COL5A3: variants seen among roughly 807,000 people sequenced by gnomAD.
COL5A3 encodes the protein collagen alpha-3(V) chain.
Under a neutral mutation model 250.0 loss-of-function variants are expected in COL5A3, and 172 were observed. That is an observed-to-expected ratio of 0.69 (90% CI 0.61 to 0.78). The LOEUF is 0.78. Ranked by LOEUF, COL5A3 falls within the 30% of genes least tolerant of loss-of-function variation. The probability of loss-of-function intolerance (pLI) is 0.00; values close to 1 mark genes in which losing one functional copy is unlikely to be tolerated. For synonymous variants in COL5A3, 937 were observed against 900.4 expected (o/e 1.04, Z -0.73); for missense variants, 2,340 against 2,334.4 (o/e 1.00, Z -0.05).
intron 31 of COL5A3, among the ~76,000 whole-genome samples, chr19:9,985,063 C>T (rs541724374): frequency 6.1e-5 from 9 of 148,722 alleles, no homozygotes; most frequent in African/African-American, 1.7e-4. Context: ...ATTCTCCTGT[C>T]TCAGCCTCTT....
rs907239211 is a variant in COL5A3 at position 9,968,966 on chromosome 19, G to A, written c.4153-238C>T. On this transcript the variant is annotated intron_variant, in intron 57 of 66. Transcript: ENST00000264828. This position sits in a 1 kb window ranked among gnomAD's most constrained non-coding sequence, Gnocchi z 4.1. ...GCCAAGGTCAGCGTGGGTGATCAGT[G>A]TAGACCATTAAGATGGAGAGTCAGT... 28 of 606,424 alleles carry A rather than the reference G, an allele frequency of 4.6e-5. No individual in the cohort carries two copies. Among genetic ancestry groups the A allele is most frequent in the African/African-American group, 7.4e-5 (4 of 53,770 alleles). The allele number at this position is 606,424 out of a possible 1,614,324, so 37.6% of individuals were successfully genotyped here.
chr19:9,996,812 A>G, intron 11 of COL5A3, 123 bp from the exon 12 acceptor site: 1 of 679,326 alleles, frequency 1.5e-6, no homozygotes, highest in Non-Finnish European at 2.4e-6. Flanking sequence ...AGAGAGACAC[A>G]GAATCAAAGA....
rs928319374 is a variant in COL5A3 at position 9,970,782 on chromosome 19, G to A, written c.3883-107C>T. On this transcript the variant is annotated intron_variant, in intron 53 of 66. Transcript: ENST00000264828. Reference sequence around the variant, plus strand: ...ACACCCTTCCCCAAGCCTCACCCCAGCACCGGGTACTCCCACCTCCCACCT... The same window carrying A: ...ACACCCTTCCCCAAGCCTCACCCCAACACCGGGTACTCCCACCTCCCACCT... 2.1e-5 allele frequency: 23 copies of A among 1,070,980 alleles called. No individual in the cohort carries two copies. In the Admixed American group the frequency reaches 3.0e-4, roughly 14 times the overall value. 66.3% of individuals were successfully genotyped at this position (1,070,980 alleles called of 1,614,324 possible). A position where few individuals can be genotyped will look rare whatever the true frequency, so the allele number is the denominator to read the frequency against.
intron 62 of COL5A3, 126 bp downstream of exon 62, chr19:9,967,221 T>C: frequency 1.5e-6 from 1 of 662,928 alleles, no homozygotes; most frequent in Non-Finnish European, 2.4e-6. Flanking sequence ...ACCTACATCC[T>C]CTGAACACCT....
chr19:9,965,577 C>T (rs561474044), intron 64 of COL5A3, among the ~76,000 whole-genome samples: 4 of 152,004 alleles, frequency 2.6e-5, no homozygotes, highest in South Asian at 2.1e-4. Context: ...CTTCAGCCCC[C>T]GAGTAGCTGG....
rs1599530390 is a variant in COL5A3, at chr19:9,968,610, C to A, written c.4206+65G>T. 6.3e-7 allele frequency: 1 copy of A among 1,593,256 alleles called. No individual in the cohort carries two copies. The highest frequency in any genetic ancestry group is 8.6e-7 in the Non-Finnish European group (1 of 1,163,464). ...GAGGATGCACCAATCTCCCAGCCCCCCAGCCAGGGAGGGAGGGAAAGAGGG... is the reference window on the plus strand; with the variant it reads ...GAGGATGCACCAATCTCCCAGCCCCACAGCCAGGGAGGGAGGGAAAGAGGG... On this transcript the variant is annotated intron_variant, in intron 58 of 66. Transcript: ENST00000264828. The surrounding 1 kb of genome is among the most constrained non-coding windows in gnomAD (Gnocchi z 4.1).
chr19:9,970,697 G>A, intron 53 of COL5A3, 22 bp from the exon 54 acceptor site: 1 of 1,417,156 alleles, frequency 7.1e-7, no homozygotes, highest in South Asian at 1.7e-5. Flanking sequence ...AAGGACACCA[G>A]CTGTGGTCTC....
intron 8 of COL5A3, among the ~76,000 whole-genome samples, chr19:9,999,156 C>CTTCCTTCCTTCT (rs1555741065): frequency 7.1e-6 from 1 of 140,464 alleles, no homozygotes; most frequent in African/African-American, 2.7e-5. Context: ...TCCTTCCTTC[C>CTTCCTTCCTTCT]TTCCTTCCTT....
At position 10,003,758 on chromosome 19, in the gene COL5A3, G is replaced by A; in HGVS notation, c.700-44C>T. On this transcript the variant is annotated intron_variant, in intron 5 of 66. Transcript: ENST00000264828. ...TCAGGTCTAGAGCATCCCACCAGCA[G>A]AGACCCCATCATTCAGGTCACCTGG... The A allele has an allele frequency of 1.9e-6, 3 of 1,609,358 alleles. No homozygotes were observed. The South Asian group carries it at 3.3e-5, about 18-fold the overall frequency.
intron 27 of COL5A3, among the ~76,000 whole-genome samples, chr19:9,988,857 A>AAAGAGAG (rs2087144190): frequency 7.3e-6 from 1 of 136,980 alleles, no homozygotes; most frequent in Non-Finnish European, 1.6e-5. Context: ...AAAAAAAAAA[A>AAAGAGAG]AGAAAGTAAA....
chr19:9,988,855 A>AAAAAAAAGAGAGAGAGAAAG (rs1269531312), intron 27 of COL5A3, among the ~76,000 whole-genome samples: 62 of 104,686 alleles, frequency 5.9e-4, no homozygotes, highest in African/African-American at 2.4e-3. Flanking sequence ...AAAAAAAAAA[A>AAAAAAAAGAGAGAGAGAAAG]AAAGAAAGTA....
chr19:9,966,802 G>T, intron 62 of COL5A3, 56 bp from the exon 63 acceptor site: 2 of 1,363,104 alleles, frequency 1.5e-6, no homozygotes, highest in Non-Finnish European at 2.0e-6. Flanking sequence ...GGGAGAGAGA[G>T]GGAGAAAGAG....
chr19:9,969,561 C>G lies in COL5A3; in HGVS notation c.4098+14G>C, dbSNP rs1384372858. The G allele has an allele frequency of 6.2e-7, 1 of 1,610,582 alleles. No homozygotes were observed. Reference sequence around the variant, plus strand: ...TGGATCCACCCTGTCCCACCCCTGCCCCGCTCCACTCACCACAGGGCCAGG... The same window carrying G: ...TGGATCCACCCTGTCCCACCCCTGCGCCGCTCCACTCACCACAGGGCCAGG... On this transcript the variant is annotated intron_variant, in intron 56 of 66. Coordinates refer to ENST00000264828, the MANE Select transcript of COL5A3 (RefSeq NM_015719.4).
Position 9,960,756 on chromosome 19 carries a change from C to T in COL5A3, c.4986G>A (p.Thr1662=), listed in dbSNP as rs141060890. Reference sequence around the variant, plus strand: ...AGCGGGCGGAGTGGCTGTAGTCACCCGTGGCTTCGTCCAGCCAGGCAGCTG... The same window carrying T: ...AGCGGGCGGAGTGGCTGTAGTCACCTGTGGCTTCGTCCAGCCAGGCAGCTG... The part of the protein sequence containing the change: ...QNAAAWLDEA[T]GDYSHSARFL... The change falls in exon 66 of 67, where the codon ACG becomes ACA. Residue 1662 remains threonine (T), a synonymous_variant. Coordinates refer to ENST00000264828, the MANE Select transcript of COL5A3 (RefSeq NM_015719.4). The T allele has an allele frequency of 4.3e-5, 69 of 1,614,024 alleles. No homozygotes were observed. In the African/African-American group the frequency reaches 8.3e-4, roughly 19 times the overall value.
In COL5A3 at chr19:9,968,383, A is replaced by G. The variant is rs1249934956; in HGVS notation, c.4314+2T>C. ...TCTTCCCGCTCAGGTCAGGACACTC[A>G]CAGGGTCTCCCTTGGGACCAGGGGG... On this transcript the variant is annotated splice_donor_variant, in intron 59 of 66. Coordinates refer to ENST00000264828, the MANE Select transcript of COL5A3 (RefSeq NM_015719.4). LOFTEE classifies it high-confidence loss of function. The surrounding 1 kb of genome is among the most constrained non-coding windows in gnomAD (Gnocchi z 4.1). 1.3e-6 allele frequency: 2 copies of G among 1,594,128 alleles called. No individual in the cohort carries two copies. The highest frequency in any genetic ancestry group is 1.7e-6 in the Non-Finnish European group (2 of 1,171,916).
Position 9,971,235 on chromosome 19 carries a change from A to G in COL5A3, c.3798T>C (p.Asp1266=). Residue 1266 remains aspartate, a synonymous_variant, in exon 52 of 67, where the codon GAT becomes GAC. Coordinates refer to ENST00000264828, the MANE Select transcript of COL5A3 (RefSeq NM_015719.4). ...GSVGPTGLPG[D]LGPPGDPGVS... ...CTCCAGGGTCTCCTGGGGGCCCTAG[A>G]TCTCCGGGCAGCCCCGTGGGGCCCT... 1 of 1,563,792 alleles carries G rather than the reference A, an allele frequency of 6.4e-7. No homozygotes were observed.
chr19:9,968,229 C>T lies in COL5A3; in HGVS notation c.4315-150G>A. On this transcript the variant is annotated intron_variant, in intron 59 of 66. Transcript: ENST00000264828. The surrounding 1 kb of genome is among the most constrained non-coding windows in gnomAD (Gnocchi z 4.1). The stretch of plus-strand genomic sequence containing the variant: ...ACAGAGAGACCCCAAACCCCAGACG[C>T]AGCCTCCAACTTGCCAGTTCCCAGA... 1.0e-6 allele frequency: 1 copy of T among 995,566 alleles called. No homozygotes were observed. Among genetic ancestry groups the T allele is most frequent in the Non-Finnish European group, 1.5e-6 (1 of 661,426 alleles). 61.7% of individuals were successfully genotyped at this position (995,566 alleles called of 1,614,324 possible). A position where few individuals can be genotyped will look rare whatever the true frequency, so the allele number is the denominator to read the frequency against.
At position 9,991,771 on chromosome 19, in the gene COL5A3, G is replaced by C. The variant is rs200075685; in HGVS notation, c.1947+17C>G. 13 of 1,600,568 alleles carry C rather than the reference G, an allele frequency of 8.1e-6. No individual in the cohort carries two copies. The African/African-American group carries it at 1.7e-4, about 22-fold the overall frequency. On this transcript the variant is annotated intron_variant, in intron 23 of 66. Transcript: ENST00000264828. ...TGACCACTCCCATGCCCCATTATTGGGAAAGACAGTTCAAACCTGGGACCC... is the reference window on the plus strand; with the variant it reads ...TGACCACTCCCATGCCCCATTATTGCGAAAGACAGTTCAAACCTGGGACCC...
intron 31 of COL5A3, among the ~76,000 whole-genome samples, chr19:9,984,283 A>G (rs2145103422): frequency 6.6e-6 from 1 of 152,280 alleles, no homozygotes; most frequent in South Asian, 2.1e-4. Flanking sequence ...TCGGCCTCCC[A>G]AAGTGCTGGG....
Sources: allele counts gnomAD v4.1 joint callset (sites outside exome capture counted in the v4.1 genomes callset), GRCh38; gene constraint gnomAD v4.1.1; non-coding constraint Gnocchi (gnomAD v3.1); transcripts MANE v1.5; gene names NCBI Gene and HGNC (gene_info 2026-07-23, HGNC 2026-07-21).